FTO: variants seen among roughly 807,000 people sequenced by gnomAD.
FTO encodes the protein FTO alpha-ketoglutarate dependent dioxygenase.
In FTO, 47 loss-of-function variants were observed where a neutral mutation model predicts 63.9. That is an observed-to-expected ratio of 0.74 (90% CI 0.58 to 0.94). The LOEUF (loss-of-function observed/expected upper bound fraction) is 0.94. FTO is among the 40% of genes least tolerant of loss of function. FTO has a pLI of 0.00. For synonymous variants in FTO, 207 were observed against 224.4 expected (o/e 0.92, Z 0.69); for missense variants, 562 against 618.1 (o/e 0.91, Z 0.96).
At chr16:53,900,608 C>CTT (rs752080961) in intron 7 of FTO, among the ~76,000 whole-genome samples, 3,448 of 67,190 alleles carry the variant, frequency 0.051, 972 homozygotes, top group East Asian at 0.27. Context: ...TCATCTGCTC[C>CTT]TTTTTTTTTT....
At chr16:53,713,272 A>G (rs886683379) in intron 1 of FTO, among the ~76,000 whole-genome samples, 2 of 152,144 alleles carry the variant, frequency 1.3e-5, no homozygotes, top group Middle Eastern at 3.2e-3. Context: ...TTCCAATTTT[A>G]AAATGCCAGT....
At chr16:53,913,016 G>A (rs1276593468) in intron 7 of FTO, among the ~76,000 whole-genome samples, 1 of 152,162 alleles carries the variant, frequency 6.6e-6, no homozygotes, top group African/African-American at 2.4e-5. Flanking sequence ...GAGAGCTGGG[G>A]GTTTTGTGGT....
chr16:53,855,597 T>C (rs1207889703), intron 4 of FTO, among the ~76,000 whole-genome samples: 1 of 152,058 alleles, frequency 6.6e-6, no homozygotes, highest in Non-Finnish European at 1.5e-5. Flanking sequence ...CAAAAGGAAG[T>C]ATTAATTCTA....
chr16:54,068,905 G>T (rs1181416071), intron 8 of FTO, among the ~76,000 whole-genome samples: 3 of 152,056 alleles, frequency 2.0e-5, no homozygotes, highest in Admixed American at 6.6e-5. Context: ...CACCCTTCTC[G>T]GGGCCAGGCA....
intron 8 of FTO, among the ~76,000 whole-genome samples, chr16:54,063,005 G>A (rs1171239797): frequency 1.3e-5 from 2 of 152,354 alleles, no homozygotes; most frequent in African/African-American, 4.8e-5. Flanking sequence ...TGTGCGGGGA[G>A]GTTAACTTCA....
chr16:53,884,057 C>T (rs528822564), intron 6 of FTO, among the ~76,000 whole-genome samples: 2 of 152,242 alleles, frequency 1.3e-5, no homozygotes, highest in Non-Finnish European at 2.9e-5. Context: ...AGGATGAAGC[C>T]CTTGGTTTTA....
intron 8 of FTO, among the ~76,000 whole-genome samples, chr16:54,041,417 G>T (rs1431816196): frequency 6.6e-6 from 1 of 152,156 alleles, no homozygotes; most frequent in Non-Finnish European, 1.5e-5. Context: ...TACAATTCCA[G>T]ATGAGATTTG....
At chr16:53,717,814 C>G (rs991254456) in intron 1 of FTO, among the ~76,000 whole-genome samples, 1 of 152,068 alleles carries the variant, frequency 6.6e-6, no homozygotes, top group Non-Finnish European at 1.5e-5. Context: ...TTATCTTTTA[C>G]GTACTGATTT....
intron 8 of FTO, among the ~76,000 whole-genome samples, chr16:54,104,635 T>C (rs1427653183): frequency 6.6e-6 from 1 of 152,204 alleles, no homozygotes. Context: ...AGCCTTGGTA[T>C]TGGCTTATGC....
At chr16:53,872,419 T>G (rs1247223881) in intron 4 of FTO, among the ~76,000 whole-genome samples, 1 of 152,220 alleles carries the variant, frequency 6.6e-6, no homozygotes, top group Non-Finnish European at 1.5e-5. Flanking sequence ...CTCCAGTCTT[T>G]GTCTTCTCAA....
intron 1 of FTO, among the ~76,000 whole-genome samples, chr16:53,741,830 C>T (rs568209833): frequency 1.3e-5 from 2 of 152,262 alleles, no homozygotes; most frequent in East Asian, 3.9e-4. Context: ...TTGTCTCTGG[C>T]TCAGGGTCTC....
intron 1 of FTO, among the ~76,000 whole-genome samples, chr16:53,733,431 G>C (rs950464223): frequency 7.9e-5 from 12 of 152,066 alleles, no homozygotes; most frequent in East Asian, 7.7e-4. Flanking sequence ...AAAAGAAGAA[G>C]AAGATGAGCT....
Position 54,115,294 on chromosome 16 carries a change from G to C in FTO, c.*3379G>C, listed in dbSNP as rs2086967090. ...CCCTTCCTCCCATGAATGTTTCTTG[G>C]TGCTGACCACAGCCTCAGCAATGAG... On this transcript the variant is annotated 3_prime_UTR_variant, in exon 9 of 9. Coordinates refer to ENST00000471389, the MANE Select transcript of FTO (RefSeq NM_001080432.3). The C allele has an allele frequency of 6.6e-6, 1 of 152,248 alleles. No homozygotes were observed. The highest frequency in any genetic ancestry group is 1.5e-5 in the Non-Finnish European group (1 of 68,130). 9.4% of individuals were successfully genotyped at this position (152,248 alleles called of 1,614,324 possible).
In FTO at chr16:53,916,357, C is replaced by A. The variant is rs556075731; in HGVS notation, c.1240-17628C>A. Among the ~76,000 whole-genome samples, 39 of 152,170 alleles carry A rather than the reference C, an allele frequency of 2.6e-4. 1 individual carries two copies. In the East Asian group the frequency reaches 7.0e-3, roughly 27 times the overall value. On this transcript the variant is annotated intron_variant, in intron 7 of 8. Transcript: ENST00000471389. ...GGGTCTCTCTGTGTTCTCATTGAGC[C>A]ATCCACAATCGTTTCTTTTATTCTA...
At chr16:54,017,756 A>T (rs1246292866) in intron 8 of FTO, among the ~76,000 whole-genome samples, 8 of 152,152 alleles carry the variant, frequency 5.3e-5, no homozygotes, top group Admixed American at 5.2e-4. Context: ...ACTATTTGTG[A>T]AGAAATCCTG....
intron 1 of FTO, among the ~76,000 whole-genome samples, chr16:53,796,027 T>C (rs1240287916): frequency 3.4e-5 from 5 of 147,728 alleles, no homozygotes; most frequent in Non-Finnish European, 7.5e-5. Flanking sequence ...AGTAAGGTTT[T>C]GTTTTTTTTC....
chr16:53,804,061 CTGT>C (rs2078293035), intron 1 of FTO, among the ~76,000 whole-genome samples: 1 of 152,114 alleles, frequency 6.6e-6, no homozygotes, highest in South Asian at 2.1e-4. Flanking sequence ...TATTGAGGGG[CTGT>C]TTATGTGCCA....
At chr16:53,823,394 T>C (rs1470680186) in intron 2 of FTO, among the ~76,000 whole-genome samples, 2 of 152,120 alleles carry the variant, frequency 1.3e-5, no homozygotes, top group Non-Finnish European at 2.9e-5. Flanking sequence ...ATCTCATTCA[T>C]TTCTAGGCCT....
intron 1 of FTO, among the ~76,000 whole-genome samples, chr16:53,730,340 G>T (rs556512533): frequency 6.6e-6 from 1 of 152,038 alleles, no homozygotes; most frequent in South Asian, 2.1e-4. Context: ...AATCCAACAT[G>T]TGATGTATCT....
Sources: allele counts gnomAD v4.1 joint callset (sites outside exome capture counted in the v4.1 genomes callset), GRCh38; gene constraint gnomAD v4.1.1; transcripts MANE v1.5; gene names NCBI Gene and HGNC (gene_info 2026-07-23, HGNC 2026-07-21).